The following MAGI2 variants were observed in gnomAD, a reference collection of about 807,000 sequenced individuals.
The protein encoded by MAGI2 is membrane-associated guanylate kinase, WW and PDZ domain-containing protein 2.
Under a neutral mutation model 133.3 loss-of-function variants are expected in MAGI2, and 35 were observed. That is an observed-to-expected ratio of 0.26 (90% confidence interval 0.20 to 0.35). The LOEUF (loss-of-function observed/expected upper bound fraction) is 0.35, where lower values mean the gene tolerates loss of function less well. MAGI2 is among the 10% of genes least tolerant of loss of function. The pLI is 1.00. For synonymous variants in MAGI2, 729 were observed against 710.6 expected (o/e 1.03, Z -0.41); for missense variants, 1,636 against 1,863.4 (o/e 0.88, Z 2.25).
At chr7:79,125,656 ACAAT>A (rs1820348981) in intron 1 of MAGI2, 1 of 529,656 alleles carries the variant, frequency 1.9e-6, no homozygotes, top group Non-Finnish European at 3.7e-6. Context: ...GGAAATTACA[ACAAT>A]CAATCTTTAA....
intron 2 of MAGI2, among the ~76,000 whole-genome samples, chr7:78,868,870 C>G (rs1203176108): frequency 6.6e-6 from 1 of 152,148 alleles, no homozygotes; most frequent in African/African-American, 2.4e-5. Flanking sequence ...TCTCCTGCCA[C>G]AGCCTCCAGA....
chr7:78,930,718 A>C (rs1475920791), intron 2 of MAGI2, among the ~76,000 whole-genome samples: 2 of 152,094 alleles, frequency 1.3e-5, no homozygotes, highest in African/African-American at 4.8e-5. Flanking sequence ...TGGGTTCCAT[A>C]CTAATATACA....
chr7:78,035,080 C>G (rs771338051), intron 21 of MAGI2: 1 of 152,540 alleles, frequency 6.6e-6, no homozygotes, highest in Non-Finnish European at 1.5e-5. Flanking sequence ...ACTAAGGCGT[C>G]CACTGTGCAG....
At chr7:78,280,119 G>T (rs755949013) in intron 9 of MAGI2, among the ~76,000 whole-genome samples, 8 of 152,138 alleles carry the variant, frequency 5.3e-5, no homozygotes, top group Non-Finnish European at 1.0e-4. Flanking sequence ...GATAGAGCAA[G>T]GTAAGCAGCG....
intron 1 of MAGI2, among the ~76,000 whole-genome samples, chr7:79,114,424 T>C (rs575377249): frequency 6.6e-6 from 1 of 152,300 alleles, no homozygotes; most frequent in African/African-American, 2.4e-5. Flanking sequence ...AAAGTTACAG[T>C]GCCTCCTGGT....
At chr7:78,215,176 C>T (rs926921890) in intron 10 of MAGI2, among the ~76,000 whole-genome samples, 1 of 152,104 alleles carries the variant, frequency 6.6e-6, no homozygotes, top group Non-Finnish European at 1.5e-5. Flanking sequence ...GGAAGGGAAA[C>T]GTTAATGAAT....
chr7:78,873,914 G>C (rs1359759762), intron 2 of MAGI2, among the ~76,000 whole-genome samples: 1 of 149,208 alleles, frequency 6.7e-6, no homozygotes, highest in African/African-American at 2.5e-5. Context: ...ATGTAGAAAA[G>C]AAAAAAAAAG....
chr7:78,642,413 G>C (rs953288123), intron 2 of MAGI2, among the ~76,000 whole-genome samples: 1 of 152,180 alleles, frequency 6.6e-6, no homozygotes, highest in African/African-American at 2.4e-5. Context: ...ATTTGATTCT[G>C]TGTTGCATTG....
intron 2 of MAGI2, among the ~76,000 whole-genome samples, chr7:78,904,998 G>C (rs1018783740): frequency 3.3e-5 from 5 of 152,054 alleles, no homozygotes; most frequent in African/African-American, 1.2e-4. Context: ...TGTTCCTCAA[G>C]GATTCATTCC....
chr7:79,265,763 G>C (rs1834413326), intron 1 of MAGI2, among the ~76,000 whole-genome samples: 1 of 152,018 alleles, frequency 6.6e-6, no homozygotes, highest in Non-Finnish European at 1.5e-5. Context: ...GGTGATGGGG[G>C]AAGGCAGGCG....
At chr7:78,574,105 A>G (rs901204103) in intron 3 of MAGI2, among the ~76,000 whole-genome samples, 3 of 152,204 alleles carry the variant, frequency 2.0e-5, no homozygotes, top group Non-Finnish European at 4.4e-5. Context: ...TATGGTGGAC[A>G]TGGAGAGCTG....
chr7:78,080,903 G>T (rs1428379168), intron 20 of MAGI2, among the ~76,000 whole-genome samples: 1 of 152,062 alleles, frequency 6.6e-6, no homozygotes, highest in Non-Finnish European at 1.5e-5. Flanking sequence ...GTATCCCATC[G>T]CTCACAAGCT....
At chr7:78,524,571 CT>C (rs1796790740) in intron 3 of MAGI2, among the ~76,000 whole-genome samples, 1 of 152,040 alleles carries the variant, frequency 6.6e-6, no homozygotes, top group Non-Finnish European at 1.5e-5. Flanking sequence ...AAGTATATAA[CT>C]TTTTTCTTTT....
chr7:79,074,222 G>A (rs923910947), intron 1 of MAGI2, among the ~76,000 whole-genome samples: 1 of 152,038 alleles, frequency 6.6e-6, no homozygotes, highest in Non-Finnish European at 1.5e-5. Flanking sequence ...TACCATCTTA[G>A]GCATCTAAAT....
chr7:78,734,974 T>C (rs1821708513), intron 2 of MAGI2, among the ~76,000 whole-genome samples: 1 of 152,180 alleles, frequency 6.6e-6, no homozygotes, highest in East Asian at 1.9e-4. Flanking sequence ...AGCAGCAAAA[T>C]CTAACTGATA....
Position 78,407,385 on chromosome 7 carries a change from TA to T in MAGI2, c.1046-38173del, listed in dbSNP as rs113171722. ...TCCCTAGACTTTGAAAAATATCAAA[TA>T]AAAAAAAAGTCACCTTTTGTTAAAA... On this transcript the variant is annotated intron_variant, in intron 6 of 21. Coordinates refer to ENST00000354212, the MANE Select transcript of MAGI2 (RefSeq NM_012301.4). 4.2e-3 allele frequency among the ~76,000 whole-genome samples: 640 copies of T among 150,952 alleles called. 9 individuals are homozygous for T. Among genetic ancestry groups the T allele is most frequent in the African/African-American group, 0.014 (584 of 41,206 alleles).
intron 10 of MAGI2, among the ~76,000 whole-genome samples, chr7:78,226,684 A>C (rs1436324960): frequency 1.3e-5 from 2 of 152,330 alleles, no homozygotes; most frequent in East Asian, 3.9e-4. Flanking sequence ...TTTAGAGGTA[A>C]CTACCTTTTC....
intron 2 of MAGI2, among the ~76,000 whole-genome samples, chr7:78,888,105 T>C (rs1438297934): frequency 6.6e-6 from 1 of 152,202 alleles, no homozygotes. Flanking sequence ...CTCAGAGGAT[T>C]CTACACCCAC....
intron 2 of MAGI2, among the ~76,000 whole-genome samples, chr7:78,851,006 C>A (rs1209043452): frequency 6.6e-6 from 1 of 151,976 alleles, no homozygotes; most frequent in Non-Finnish European, 1.5e-5. Flanking sequence ...TGTCTCAGTA[C>A]ACAGCAATGA....
Sources: allele counts gnomAD v4.1 joint callset (sites outside exome capture counted in the v4.1 genomes callset), GRCh38; gene constraint gnomAD v4.1.1; transcripts MANE v1.5; gene names NCBI Gene and HGNC (gene_info 2026-07-23, HGNC 2026-07-21).